The following EFHD2 variants were observed in gnomAD, a reference collection of about 807,000 sequenced individuals.
EFHD2 encodes EF-hand domain-containing protein D2.
EFHD2 carries 12 observed loss-of-function variants against 20.3 expected under a neutral mutation model. That is an observed-to-expected ratio of 0.59 (90% CI 0.38 to 0.96). EFHD2 has a LOEUF of 0.96. Ranked by LOEUF, EFHD2 falls within the 40% of genes least tolerant of loss-of-function variation. The pLI, the probability that EFHD2 is intolerant of heterozygous loss-of-function variation, is 0.00. For missense variants in EFHD2, 250 were observed against 334.3 expected (o/e 0.75, Z 1.97); for synonymous variants, 131 against 143.9 (o/e 0.91, Z 0.64).
At chr1:15,416,954 C>A (rs1707681327) in intron 1 of EFHD2, among the ~76,000 whole-genome samples, 1 of 152,164 alleles carries the variant, frequency 6.6e-6, no homozygotes, top group Admixed American at 6.5e-5. Flanking sequence ...GGACTACAGG[C>A]ACATGCCACC....
At chr1:15,416,350 CTT>C (rs1219361613) in intron 1 of EFHD2, among the ~76,000 whole-genome samples, 2 of 152,106 alleles carry the variant, frequency 1.3e-5, no homozygotes, top group Non-Finnish European at 2.9e-5. Context: ...GGCAGAGTCA[CTT>C]TGCAGCCTCA....
In EFHD2 at chr1:15,413,864, T is replaced by A. The variant is rs1707596634; in HGVS notation, c.308+3585T>A. Among the ~76,000 whole-genome samples the A allele has an allele frequency of 6.6e-6, 1 of 152,188 alleles. No individual in the cohort carries two copies. Among genetic ancestry groups the A allele is most frequent in the Admixed American group, 6.5e-5 (1 of 15,290 alleles). ...AGGAGGCTCTGCGTCTCCCTGGCCC[T>A]CGCAGCCAGGACTCTCCATCCCCGT... is the stretch of plus-strand genomic sequence containing the variant. On this transcript the variant is annotated intron_variant, in intron 1 of 3. Transcript: ENST00000375980. The surrounding 1 kb of genome is among the most constrained non-coding windows in gnomAD (Gnocchi z 4.4).
Position 15,428,832 on chromosome 1 carries a change from A to C in EFHD2, c.*108A>C. 1 of 1,481,178 alleles carries C rather than the reference A, an allele frequency of 6.8e-7. No homozygotes were observed. The highest frequency in any genetic ancestry group is 9.1e-7 in the Non-Finnish European group (1 of 1,097,488). The allele number at this position is 1,481,178 out of a possible 1,614,324, so 91.8% of individuals were successfully genotyped here. A position where few individuals can be genotyped will look rare whatever the true frequency, so the allele number is the denominator to read the frequency against. ...CCTGTGTCTGACGGGACCACTACTA[A>C]AAACCTAAAAATATCTGTGAATGGA... is the stretch of plus-strand genomic sequence containing the variant. On this transcript the variant is annotated 3_prime_UTR_variant, in exon 4 of 4. Coordinates refer to ENST00000375980, the MANE Select transcript of EFHD2 (RefSeq NM_024329.6).
chr1:15,427,165 C>T lies in EFHD2; in HGVS notation c.472C>T (p.Arg158Cys). 3 of 1,612,024 alleles carry T rather than the reference C, an allele frequency of 1.9e-6. No homozygotes were observed. The highest frequency in any genetic ancestry group is 2.5e-6 in the Non-Finnish European group (3 of 1,179,246). The change falls in exon 3 of 4, where the codon CGC (arginine) becomes TGC (cysteine). Residue 158 changes from arginine (R) to cysteine (C), a missense_variant. This residue lies in a region of EFHD2 where 100 missense variants were observed against 116.2 expected (regional missense o/e 0.86). Coordinates refer to ENST00000375980, the MANE Select transcript of EFHD2 (RefSeq NM_024329.6). The stretch of plus-strand genomic sequence containing the variant: ...CCCGCTGCAGTTCCTCCTGATCTTC[C>T]GCAAGGCGGCGGCCGGGGAGCTTCA... ...LSFREFLLIF[R>C]KAAAGELQED...
At chr1:15,427,026 G>T in intron 2 of EFHD2, 124 bp from the exon 3 acceptor site, 2 of 1,338,080 alleles carry the variant, frequency 1.5e-6, no homozygotes, top group Non-Finnish European at 2.0e-6. Flanking sequence ...GCGAGACCCA[G>T]CTCACTGCCC....
intron 1 of EFHD2, among the ~76,000 whole-genome samples, chr1:15,421,763 G>A (rs1053622706): frequency 1.3e-5 from 2 of 152,208 alleles, no homozygotes; most frequent in Admixed American, 6.5e-5. Context: ...CCCAGGGGCT[G>A]GGGCGTGAAC....
chr1:15,424,659 C>T (rs930389026), intron 1 of EFHD2, among the ~76,000 whole-genome samples: 6 of 152,224 alleles, frequency 3.9e-5, no homozygotes, highest in Non-Finnish European at 5.9e-5. Flanking sequence ...CTCCTGCCCC[C>T]GTCCTGCTCT....
intron 1 of EFHD2, among the ~76,000 whole-genome samples, chr1:15,418,631 A>G (rs914174383): frequency 8.3e-6 from 1 of 120,590 alleles, no homozygotes; most frequent in Non-Finnish European, 1.9e-5. Flanking sequence ...TCCAAAGCCA[A>G]GATAGGCCCC....
intron 1 of EFHD2, among the ~76,000 whole-genome samples, chr1:15,425,443 T>G (rs1217617254): frequency 6.6e-6 from 1 of 151,620 alleles, no homozygotes; most frequent in Non-Finnish European, 1.5e-5. Flanking sequence ...GAGAATCACT[T>G]GAACCCGGGA....
At chr1:15,417,824 G>T (rs1397856650) in intron 1 of EFHD2, among the ~76,000 whole-genome samples, 5 of 152,176 alleles carry the variant, frequency 3.3e-5, no homozygotes, top group Non-Finnish European at 7.3e-5. Flanking sequence ...GCGGCCATCA[G>T]TAAAGCCTGG....
chr1:15,427,040 A>C (rs925921082), intron 2 of EFHD2, 110 bp from the exon 3 acceptor site: 3 of 1,430,604 alleles, frequency 2.1e-6, no homozygotes, highest in South Asian at 1.4e-5. Context: ...ACTGCCCCCC[A>C]GTCCTTCTCT....
intron 1 of EFHD2, 128 bp downstream of exon 1, chr1:15,410,407 G>A: frequency 8.3e-7 from 1 of 1,198,824 alleles, no homozygotes; most frequent in Non-Finnish European, 1.1e-6. Flanking sequence ...GAACCCAGAC[G>A]CACCGGGGTT....
At chr1:15,422,606 A>G in intron 1 of EFHD2, among the ~76,000 whole-genome samples, 1 of 151,666 alleles carries the variant, frequency 6.6e-6, no homozygotes, top group Non-Finnish European at 1.5e-5. Context: ...TCACACCTGT[A>G]ATCTCAGCAC....
At chr1:15,410,786 C>T (rs948823132) in intron 1 of EFHD2, among the ~76,000 whole-genome samples, 1 of 151,736 alleles carries the variant, frequency 6.6e-6, no homozygotes, top group Non-Finnish European at 1.5e-5. Context: ...CCCAGTGCCC[C>T]TCGACACCAC....
chr1:15,418,543 G>C (rs376123760), intron 1 of EFHD2, among the ~76,000 whole-genome samples: 2 of 151,874 alleles, frequency 1.3e-5, no homozygotes, highest in Non-Finnish European at 2.9e-5. Context: ...CTGACCTTGT[G>C]ATCCGCCCGC....
Position 15,418,574 on chromosome 1 carries a change from G to A in EFHD2, c.309-7297G>A, listed in dbSNP as rs561144411. Among the ~76,000 whole-genome samples, 11 of 151,908 alleles carry A rather than the reference G, an allele frequency of 7.2e-5. No individual in the cohort carries two copies. The East Asian group carries it at 1.9e-3, about 27-fold the overall frequency. ...CCCGCCTTGGCCTCCCAAAGTGCTG[G>A]GATTACAGGCGGGAGCCACGGCACC... On this transcript the variant is annotated intron_variant, in intron 1 of 3. Transcript: ENST00000375980.
rs543511705 is a variant in EFHD2 at position 15,415,945 on chromosome 1, C to T, written c.308+5666C>T. Among the ~76,000 whole-genome samples, 4 of 152,278 alleles carry T rather than the reference C, an allele frequency of 2.6e-5. No individual in the cohort carries two copies. In the East Asian group the frequency reaches 7.7e-4, roughly 29 times the overall value. On this transcript the variant is annotated intron_variant, in intron 1 of 3. Coordinates refer to ENST00000375980, the MANE Select transcript of EFHD2 (RefSeq NM_024329.6). ...AGGCCAAGTGAAGCCGTGTTTGTGG[C>T]TGGGGCTTGGGGGAGCCTCCGAGAG...
chr1:15,411,192 A>C (rs1570758391), intron 1 of EFHD2, among the ~76,000 whole-genome samples: 24 of 66,268 alleles, frequency 3.6e-4, no homozygotes, highest in South Asian at 5.6e-4. Context: ...TCTCCTCCCC[A>C]CTCCGTATAT....
At chr1:15,425,733 A>T in intron 1 of EFHD2, 138 bp from the exon 2 acceptor site, 1 of 1,248,200 alleles carries the variant, frequency 8.0e-7, no homozygotes, top group Non-Finnish European at 1.1e-6. Context: ...CTCTGCCTGG[A>T]CTGAGGTCCC....
Sources: gnomAD v4.1 joint callset for allele counts (sites outside exome capture counted in the v4.1 genomes callset) on GRCh38, gnomAD v4.1.1 for gene constraint, gnomAD v4.1.1 regional missense constraint, Gnocchi (gnomAD v3.1) non-coding constraint, MANE v1.5 for transcripts, NCBI Gene and HGNC (gene_info 2026-07-23, HGNC 2026-07-21) for gene names.